The following ZDHHC14 variants were observed in gnomAD, a reference collection of about 807,000 sequenced individuals.
ZDHHC14 encodes zDHHC palmitoyltransferase 14, also known as palmitoyltransferase ZDHHC14.
ZDHHC14 carries 16 observed loss-of-function variants against 47.7 expected under a neutral mutation model. The observed-to-expected ratio is 0.34, with a 90% CI of 0.23 to 0.51. The LOEUF (loss-of-function observed/expected upper bound fraction) is 0.51, where lower values mean the gene tolerates loss of function less well. ZDHHC14 is among the 20% of genes least tolerant of loss of function. The probability of loss-of-function intolerance (pLI) is 0.97; values close to 1 mark genes in which losing one functional copy is unlikely to be tolerated. For synonymous variants in ZDHHC14, 293 were observed against 278.9 expected (o/e 1.05, Z -0.50); for missense variants, 515 against 662.5 (o/e 0.78, Z 2.44).
chr6:157,432,710 T>C (rs780428437), intron 1 of ZDHHC14, among the ~76,000 whole-genome samples: 7 of 152,212 alleles, frequency 4.6e-5, no homozygotes, highest in Non-Finnish European at 4.4e-5. Flanking sequence ...TCAGAGCTGT[T>C]TCCCCAGGAT....
rs377384809 is a variant in ZDHHC14 at position 157,417,684 on chromosome 6, C to T, written c.245+35418C>T. Among the ~76,000 whole-genome samples the T allele has an allele frequency of 1.4e-4, 21 of 152,294 alleles. No individual in the cohort carries two copies. The South Asian group carries it at 1.4e-3, about 11-fold the overall frequency. On this transcript the variant is annotated intron_variant, in intron 1 of 8. Transcript: ENST00000359775. ...ATATGATACATAAATCTATTATCTC[C>T]GTAAAGGCGAAGAAGGCCAGGCATG...
intron 5 of ZDHHC14, among the ~76,000 whole-genome samples, chr6:157,640,113 A>G (rs1420169668): frequency 6.6e-6 from 1 of 152,196 alleles, no homozygotes; most frequent in African/African-American, 2.4e-5. Flanking sequence ...GGGGAGCCAC[A>G]GGGGCCCTGG....
intron 1 of ZDHHC14, among the ~76,000 whole-genome samples, chr6:157,442,416 C>T (rs945992281): frequency 5.3e-5 from 8 of 152,164 alleles, no homozygotes; most frequent in East Asian, 1.9e-4. Flanking sequence ...AACTTCCATA[C>T]GCTACATTCA....
chr6:157,648,723 A>T (rs1401982861), intron 7 of ZDHHC14, among the ~76,000 whole-genome samples: 1 of 152,158 alleles, frequency 6.6e-6, no homozygotes, highest in Non-Finnish European at 1.5e-5. Flanking sequence ...GCTCCTCTTG[A>T]AGAAACCTCC....
intron 1 of ZDHHC14, among the ~76,000 whole-genome samples, chr6:157,487,670 A>G (rs1355682705): frequency 1.3e-5 from 2 of 152,222 alleles, no homozygotes; most frequent in Non-Finnish European, 1.5e-5. Flanking sequence ...CAGCAGCACA[A>G]GGATTCATGC....
intron 3 of ZDHHC14, among the ~76,000 whole-genome samples, chr6:157,627,075 G>T (rs1245513725): frequency 6.6e-6 from 1 of 152,032 alleles, no homozygotes; most frequent in Non-Finnish European, 1.5e-5. Flanking sequence ...CTACCACTTG[G>T]CAGGCAGCAA....
At chr6:157,466,227 G>A (rs575724342) in intron 1 of ZDHHC14, among the ~76,000 whole-genome samples, 10 of 152,268 alleles carry the variant, frequency 6.6e-5, no homozygotes, top group South Asian at 4.1e-4. Flanking sequence ...CCTCTCCCTG[G>A]GTAAGTGCAG....
In ZDHHC14 at chr6:157,638,556, G is replaced by A. The variant is rs368640095; in HGVS notation, c.752+5674G>A. Among the ~76,000 whole-genome samples the A allele has an allele frequency of 3.3e-5, 5 of 151,688 alleles. No homozygotes were observed. The East Asian group carries it at 9.7e-4, about 29-fold the overall frequency. ...CAGCCAGGCATGTTCAAACAAAGGA[G>A]ATCCACTCAGCAACTATTTCCTGTA... On this transcript the variant is annotated intron_variant, in intron 5 of 8. Coordinates refer to ENST00000359775, the MANE Select transcript of ZDHHC14 (RefSeq NM_024630.3).
intron 8 of ZDHHC14, among the ~76,000 whole-genome samples, chr6:157,669,467 G>C (rs1778697352): frequency 6.6e-6 from 1 of 152,080 alleles, no homozygotes; most frequent in African/African-American, 2.4e-5. Flanking sequence ...GGAAGGAGAG[G>C]AGCCCGCCTC....
intron 5 of ZDHHC14, among the ~76,000 whole-genome samples, chr6:157,635,819 A>AT (rs1320112248): frequency 1.3e-5 from 2 of 152,206 alleles, no homozygotes; most frequent in Admixed American, 1.3e-4. Context: ...AGGAAAAGAG[A>AT]TGCTCTTACT....
chr6:157,521,516 AC>A (rs1409845434), intron 1 of ZDHHC14, among the ~76,000 whole-genome samples: 1 of 152,168 alleles, frequency 6.6e-6, no homozygotes, highest in Non-Finnish European at 1.5e-5. Flanking sequence ...TCTAGTGAGG[AC>A]CCACTTTCTG....
intron 1 of ZDHHC14, among the ~76,000 whole-genome samples, chr6:157,534,768 T>C (rs1781481870): frequency 6.6e-6 from 1 of 151,928 alleles, no homozygotes; most frequent in South Asian, 2.1e-4. Context: ...TTTGTATTTT[T>C]TTTGTAGAGA....
intron 2 of ZDHHC14, among the ~76,000 whole-genome samples, chr6:157,580,635 G>A (rs1783478214): frequency 6.6e-6 from 1 of 151,938 alleles, no homozygotes; most frequent in African/African-American, 2.4e-5. Context: ...ATGTGTCCAG[G>A]AATTTATCCA....
chr6:157,539,224 A>G (rs2047969), intron 1 of ZDHHC14, among the ~76,000 whole-genome samples: 60,140 of 151,616 alleles, frequency 0.4, 12,082 homozygotes, highest in Admixed American at 0.45. Context: ...AGCCTGGGCA[A>G]CAAAGTGTTT....
chr6:157,436,741 G>T (rs1286855632), intron 1 of ZDHHC14, among the ~76,000 whole-genome samples: 1 of 152,160 alleles, frequency 6.6e-6, no homozygotes, highest in Non-Finnish European at 1.5e-5. Context: ...TTCATGGGAA[G>T]AGGGAAGCCA....
At chr6:157,603,623 A>G (rs2114910948) in intron 3 of ZDHHC14, among the ~76,000 whole-genome samples, 2 of 152,320 alleles carry the variant, frequency 1.3e-5, no homozygotes, top group Middle Eastern at 6.8e-3. Context: ...AGCACCCTCA[A>G]AAACCTCTGT....
intron 1 of ZDHHC14, among the ~76,000 whole-genome samples, chr6:157,466,208 G>A (rs986121260): frequency 1.3e-5 from 2 of 152,172 alleles, no homozygotes; most frequent in Non-Finnish European, 2.9e-5. Flanking sequence ...TTGCTGTGAT[G>A]CTGGCTTACC....
intron 1 of ZDHHC14, among the ~76,000 whole-genome samples, chr6:157,505,728 A>C (rs1780309379): frequency 1.1e-5 from 1 of 94,916 alleles, no homozygotes; most frequent in African/African-American, 4.7e-5. Flanking sequence ...GGCAGGGATC[A>C]GAAGTTAAAA....
rs143963523 is a variant in ZDHHC14, at chr6:157,440,179, A to G, written c.245+57913A>G. ...CTGGAACTTTAATAATAATAATAATAATAATAATAATAAAGAACACTTACA... is the reference window on the plus strand; with the variant it reads ...CTGGAACTTTAATAATAATAATAATGATAATAATAATAAAGAACACTTACA... On this transcript the variant is annotated intron_variant, in intron 1 of 8. Transcript: ENST00000359775. Among the ~76,000 whole-genome samples the G allele has an allele frequency of 2.5e-4, 38 of 151,280 alleles. No individual in the cohort carries two copies. In the East Asian group the frequency reaches 7.3e-3, roughly 29 times the overall value.
Sources: allele counts gnomAD v4.1 joint callset (sites outside exome capture counted in the v4.1 genomes callset), GRCh38; gene constraint gnomAD v4.1.1; transcripts MANE v1.5; gene names NCBI Gene and HGNC (gene_info 2026-07-23, HGNC 2026-07-21).